Variants in NRG1 observed in about 807,000 individuals in gnomAD.
NRG1 encodes pro-neuregulin-1, membrane-bound isoform.
NRG1 carries 18 observed loss-of-function variants against 63.8 expected under a neutral mutation model. That is an observed-to-expected ratio of 0.28 (90% confidence interval 0.19 to 0.42). NRG1 has a LOEUF of 0.42. Ranked by LOEUF, NRG1 falls within the 10% of genes least tolerant of loss-of-function variation. The pLI is 1.00. For synonymous variants in NRG1, 302 were observed against 301.3 expected (o/e 1.00, Z -0.02); for missense variants, 762 against 814.7 (o/e 0.94, Z 0.79).
Position 31,799,053 on chromosome 8 carries a change from T to C in NRG1, c.37+159622T>C, listed in dbSNP as rs978905855. Among the ~76,000 whole-genome samples the C allele has an allele frequency of 4.6e-5, 7 of 152,134 alleles. No individual in the cohort carries two copies. The East Asian group carries it at 9.6e-4, about 21-fold the overall frequency. The stretch of plus-strand genomic sequence containing the variant: ...AGTTTCCTAATTTATTCTCTTGAAA[T>C]ATATTTGGATTGCCACATGCTGTAT... On this transcript the variant is annotated intron_variant, in intron 1 of 10. Transcript: ENST00000519301.
chr8:32,569,012 A>G (rs1183613657), intron 1 of NRG1, among the ~76,000 whole-genome samples: 2 of 151,710 alleles, frequency 1.3e-5, no homozygotes, highest in Non-Finnish European at 2.9e-5. Context: ...AGTAAGTTAC[A>G]TTGAAAGGCC....
At chr8:31,834,323 A>G (rs1308937472) in intron 1 of NRG1, among the ~76,000 whole-genome samples, 1 of 150,002 alleles carries the variant, frequency 6.7e-6, no homozygotes, top group Non-Finnish European at 1.5e-5. Context: ...ACACACACAC[A>G]CACACACGCA....
chr8:31,845,032 G>A lies in NRG1; in HGVS notation c.37+205601G>A, dbSNP rs181241845. ...TGAGGCAGGAGAATCATTCAAACCCGGGAGGCGGAGGTTGCAGTGAGCTGA... is the reference window on the plus strand; with the variant it reads ...TGAGGCAGGAGAATCATTCAAACCCAGGAGGCGGAGGTTGCAGTGAGCTGA... On this transcript the variant is annotated intron_variant, in intron 1 of 10. Coordinates refer to the NRG1 transcript ENST00000519301. 7.7e-3 allele frequency among the ~76,000 whole-genome samples: 1,166 copies of A among 152,040 alleles called. 38 individuals are homozygous for A. The highest frequency in any genetic ancestry group is 0.056 in the Admixed American group (848 of 15,236).
chr8:31,865,343 G>T (rs1450267046), intron 1 of NRG1, among the ~76,000 whole-genome samples: 1 of 152,116 alleles, frequency 6.6e-6, no homozygotes, highest in African/African-American at 2.4e-5. Context: ...TGAGAGTGAA[G>T]CAGGTGCTTT....
At chr8:32,490,711 AC>A (rs1391941147) in intron 1 of NRG1, among the ~76,000 whole-genome samples, 1 of 151,896 alleles carries the variant, frequency 6.6e-6, no homozygotes, top group Non-Finnish European at 1.5e-5. Context: ...AAATGTTAAC[AC>A]CCTTTTTGTG....
At chr8:32,563,230 G>T (rs917498762) in intron 1 of NRG1, among the ~76,000 whole-genome samples, 2 of 152,120 alleles carry the variant, frequency 1.3e-5, no homozygotes, top group Admixed American at 6.5e-5. Flanking sequence ...CAAAATATTG[G>T]CTCACTTAGA....
intron 1 of NRG1, among the ~76,000 whole-genome samples, chr8:32,316,013 C>A (rs1466353530): frequency 6.9e-6 from 1 of 145,172 alleles, no homozygotes; most frequent in African/African-American, 2.9e-5. Context: ...AGACGATTAA[C>A]CTACTTGAAG....
At chr8:32,253,214 C>T (rs757039508) in intron 1 of NRG1, among the ~76,000 whole-genome samples, 4 of 152,152 alleles carry the variant, frequency 2.6e-5, no homozygotes, top group Non-Finnish European at 5.9e-5. Context: ...TTGCCCTGGC[C>T]AGAACTTCCA....
chr8:31,643,332 A>G (rs1803983447), intron 1 of NRG1, among the ~76,000 whole-genome samples: 1 of 152,244 alleles, frequency 6.6e-6, no homozygotes, highest in African/African-American at 2.4e-5. Context: ...TACCCAGGGG[A>G]ACAGTTTCCA....
At chr8:32,040,908 A>G (rs1819924147) in intron 1 of NRG1, among the ~76,000 whole-genome samples, 1 of 151,082 alleles carries the variant, frequency 6.6e-6, no homozygotes, top group African/African-American at 2.4e-5. Context: ...ACTCAGTGAT[A>G]GAAGATGAAT....
In NRG1 at chr8:32,147,724, A is replaced by ACC. The variant is rs147892198; in HGVS notation, c.38-448104_38-448103insCC. ...GCTTGGTATTCAATTAATACTTGTT[A>ACC]AATGGATTCTGAATATGATTCCATT... On this transcript the variant is annotated intron_variant, in intron 1 of 10. Coordinates refer to the NRG1 transcript ENST00000519301. Among the ~76,000 whole-genome samples the ACC allele has an allele frequency of 9.1e-3, 1,389 of 152,304 alleles. 23 individuals are homozygous for ACC. The highest frequency in any genetic ancestry group is 0.03 in the African/African-American group (1,234 of 41,560).
chr8:31,914,891 A>G (rs1238218548), intron 1 of NRG1, among the ~76,000 whole-genome samples: 1 of 151,988 alleles, frequency 6.6e-6, no homozygotes, highest in Non-Finnish European at 1.5e-5. Context: ...AACATATTTT[A>G]TTGCTCAGTG....
intron 7 of NRG1, among the ~76,000 whole-genome samples, chr8:32,773,255 T>C (rs4445184): frequency 0.85 from 128,569 of 152,134 alleles, 54,670 homozygotes; most frequent in Middle Eastern, 0.92. Flanking sequence ...CCAAAAACTT[T>C]TCTTTCACAA....
chr8:31,788,382 T>C (rs1270857488), intron 1 of NRG1, among the ~76,000 whole-genome samples: 1 of 152,150 alleles, frequency 6.6e-6, no homozygotes. Context: ...CATTATTATT[T>C]TAAATGGCTA....
intron 1 of NRG1, among the ~76,000 whole-genome samples, chr8:31,872,321 T>G (rs1049574227): frequency 2.0e-5 from 3 of 152,190 alleles, no homozygotes; most frequent in Non-Finnish European, 4.4e-5. Flanking sequence ...CATTTTTTTT[T>G]ATTGGCCTCA....
intron 1 of NRG1, among the ~76,000 whole-genome samples, chr8:31,784,718 A>G (rs1443184746): frequency 6.6e-6 from 1 of 152,182 alleles, no homozygotes; most frequent in Non-Finnish European, 1.5e-5. Context: ...TGATGCCAGG[A>G]CTTGGCCTCC....
At chr8:31,817,400 C>T (rs12543672) in intron 1 of NRG1, among the ~76,000 whole-genome samples, 23,183 of 152,146 alleles carry the variant, frequency 0.15, 1,929 homozygotes, top group Admixed American at 0.21. Flanking sequence ...CCTAGCTACA[C>T]ACTCTATTTT....
chr8:32,490,351 A>C (rs1826407236), intron 1 of NRG1, among the ~76,000 whole-genome samples: 2 of 151,978 alleles, frequency 1.3e-5, no homozygotes, highest in Admixed American at 1.3e-4. Flanking sequence ...CTGAATCAGA[A>C]GCCTGGGGGT....
intron 5 of NRG1, among the ~76,000 whole-genome samples, chr8:32,700,926 T>C (rs1169580785): frequency 6.6e-6 from 1 of 152,172 alleles, no homozygotes; most frequent in Non-Finnish European, 1.5e-5. Context: ...GAACTGGCTA[T>C]GTCCCCTCCT....
Sources: gnomAD v4.1 joint callset for allele counts (sites outside exome capture counted in the v4.1 genomes callset) on GRCh38, gnomAD v4.1.1 for gene constraint, MANE v1.5 for transcripts, NCBI Gene and HGNC (gene_info 2026-07-23, HGNC 2026-07-21) for gene names.